APBA2: variants seen among roughly 807,000 people sequenced by gnomAD.
APBA2 encodes amyloid beta precursor protein binding family A member 2.
In APBA2, 30 loss-of-function variants were observed where a neutral mutation model predicts 75.0. That is an observed-to-expected ratio of 0.40 (90% CI 0.30 to 0.54). The LOEUF (loss-of-function observed/expected upper bound fraction) is 0.54, where lower values mean the gene tolerates loss of function less well. Among genes scored for constraint, APBA2 ranks in the 20% least tolerant of loss-of-function variants. The pLI, the probability that APBA2 is intolerant of heterozygous loss-of-function variation, is 0.49. For synonymous variants in APBA2, 444 were observed against 409.6 expected (o/e 1.08, Z -1.01); for missense variants, 801 against 1,016.1 (o/e 0.79, Z 2.88).
chr15:29,113,996 C>A lies in APBA2; in HGVS notation c.2158C>A (p.Leu720Met). 1 of 1,613,880 alleles carries A rather than the reference C, an allele frequency of 6.2e-7. No individual in the cohort carries two copies. The highest frequency in any genetic ancestry group is 8.5e-7 in the Non-Finnish European group (1 of 1,180,038). Residue 720 changes from leucine (L) to methionine (M), a missense_variant, in exon 14 of 15, where the codon CTG (leucine) becomes ATG (methionine). Leu to Met is a conservative substitution (Grantham distance 15, BLOSUM62 2). This residue lies in a region of APBA2 where 367 missense variants were observed against 544.5 expected (regional missense o/e 0.67). Transcript: ENST00000683413. ...ATAHEKIVQA[L>M]SNSVGEIHMK... is the part of the protein sequence containing the mutation. ...AGCCCACGAGAAGATAGTCCAAGCT[C>A]TGTCCAACTCGGTCGGAGAGGTAAG...
rs749262017 is a variant in APBA2, at chr15:29,117,073, G to A, written c.2190G>A (p.Lys730=). The A allele has an allele frequency of 6.8e-6, 11 of 1,613,070 alleles. No individual in the cohort carries two copies. The highest frequency in any genetic ancestry group is 9.3e-6 in the Non-Finnish European group (11 of 1,179,932). The change falls in exon 15 of 15, where the codon AAG becomes AAA. Residue 730 remains lysine (K), a synonymous_variant. Coordinates refer to ENST00000683413, the MANE Select transcript of APBA2 (RefSeq NM_001353788.2). Reference sequence around the variant, plus strand: ...GTTTCTGTCCGCAGATCCACATGAAGACCATGCCCGCCGCCATGTTCAGGC... The same window carrying A: ...GTTTCTGTCCGCAGATCCACATGAAAACCATGCCCGCCGCCATGTTCAGGC... ...LSNSVGEIHM[K]TMPAAMFRLL...
chr15:29,102,250 A>G (rs2044162182), intron 10 of APBA2: 1 of 237,782 alleles, frequency 4.2e-6, no homozygotes, highest in South Asian at 5.1e-5. Context: ...AGACTCAGGA[A>G]AAGATCACAA....
rs201490656 is a variant in APBA2 at position 29,108,259 on chromosome 15, G to A, written c.1918-11G>A. ...GGCCCAGCCTGTGACTCCTGTCCCC[G>A]TGCTCTGCAGGGCCTGAAGAACCAG... On this transcript the variant is annotated splice_polypyrimidine_tract_variant and intron_variant, in intron 12 of 14. Coordinates refer to ENST00000683413, the MANE Select transcript of APBA2 (RefSeq NM_001353788.2). 108 of 1,613,632 alleles carry A rather than the reference G, an allele frequency of 6.7e-5. No individual in the cohort carries two copies. Among genetic ancestry groups the A allele is most frequent in the African/African-American group, 2.1e-4 (16 of 75,044 alleles).
At position 29,054,393 on chromosome 15, in the gene APBA2, A is replaced by G. The variant is rs201436314; in HGVS notation, c.509A>G (p.Asp170Gly). ...GACGGCCAACTGCCCATTCCGGAGGATGAGCCCTCCGTCCTTGAGGCCCAT... is the reference window on the plus strand; with the variant it reads ...GACGGCCAACTGCCCATTCCGGAGGGTGAGCCCTCCGTCCTTGAGGCCCAT... Reference protein sequence around the residue: ...YPDGQLPIPEDEPSVLEAHDQ... With the variant: ...YPDGQLPIPEGEPSVLEAHDQ... Residue 170 changes from aspartate (D) to glycine (G), a missense_variant, in exon 4 of 15, where the codon GAT (aspartate) becomes GGT (glycine). Physicochemically the swap from Asp to Gly is moderately conservative, Grantham distance 94. Transcript: ENST00000683413. The surrounding 1 kb of genome is among the most constrained non-coding windows in gnomAD (Gnocchi z 6.1). 4 of 1,614,092 alleles carry G rather than the reference A, an allele frequency of 2.5e-6. No homozygotes were observed. Among genetic ancestry groups the G allele is most frequent in the East Asian group, 4.5e-5 (2 of 44,846 alleles).
chr15:28,926,014 G>A (rs1332393215), intron 2 of APBA2, among the ~76,000 whole-genome samples: 2 of 152,138 alleles, frequency 1.3e-5, no homozygotes, highest in African/African-American at 2.4e-5. Flanking sequence ...TTTGATTAGA[G>A]TTAGCATGGT....
intron 4 of APBA2, among the ~76,000 whole-genome samples, chr15:29,056,324 A>T (rs950324177): frequency 6.6e-6 from 1 of 152,114 alleles, no homozygotes; most frequent in Admixed American, 6.6e-5. Flanking sequence ...TTAAAAGGGC[A>T]GGTGGAGGTA....
At chr15:29,065,172 G>A (rs542856439) in intron 4 of APBA2, among the ~76,000 whole-genome samples, 19 of 152,278 alleles carry the variant, frequency 1.2e-4, no homozygotes, top group South Asian at 8.3e-4. Flanking sequence ...CGTACCTCCC[G>A]TTCTTGGGCC....
intron 2 of APBA2, among the ~76,000 whole-genome samples, chr15:28,929,469 C>G (rs1030868074): frequency 6.6e-6 from 1 of 152,164 alleles, no homozygotes; most frequent in Non-Finnish European, 1.5e-5. Context: ...CACTCAGATC[C>G]AAGGGTGTAG....
Position 29,076,312 on chromosome 15 carries a change from G to A in APBA2, c.1069+221G>A, listed in dbSNP as rs2279495. On this transcript the variant is annotated intron_variant, in intron 6 of 14. Coordinates refer to ENST00000683413, the MANE Select transcript of APBA2 (RefSeq NM_001353788.2). Reference sequence around the variant, plus strand: ...CGCTTTGATGCAAGGAACAGTAGACGATCTCCTTTAATTATACCCTCACTA... The same window carrying A: ...CGCTTTGATGCAAGGAACAGTAGACAATCTCCTTTAATTATACCCTCACTA... Among the ~76,000 whole-genome samples the A allele has an allele frequency of 5.3e-5, 8 of 152,194 alleles. No individual in the cohort carries two copies. In the East Asian group the frequency reaches 5.8e-4, roughly 11 times the overall value.
At chr15:29,096,047 G>A (rs1026268734) in intron 8 of APBA2, among the ~76,000 whole-genome samples, 7 of 152,258 alleles carry the variant, frequency 4.6e-5, no homozygotes, top group South Asian at 2.1e-4. Flanking sequence ...AGGCCTCTGC[G>A]GCCAGTCAGG....
At chr15:29,071,979 G>GC (rs2042642606) in intron 4 of APBA2, among the ~76,000 whole-genome samples, 1 of 152,048 alleles carries the variant, frequency 6.6e-6, no homozygotes, top group Admixed American at 6.5e-5. Flanking sequence ...CAAGCCTTGA[G>GC]CCCTGGCTTG....
chr15:29,038,312 C>T (rs1446326221), intron 3 of APBA2, among the ~76,000 whole-genome samples: 1 of 152,236 alleles, frequency 6.6e-6, no homozygotes, highest in African/African-American at 2.4e-5. Flanking sequence ...TCCAAGTGAC[C>T]TATCTTCCGA....
chr15:29,077,290 C>T (rs1258527538), intron 6 of APBA2, among the ~76,000 whole-genome samples: 1 of 152,158 alleles, frequency 6.6e-6, no homozygotes, highest in African/African-American at 2.4e-5. Context: ...GGAGCTGGCA[C>T]CTCGTGAGCA....
chr15:28,946,583 C>T (rs1182031498), intron 2 of APBA2, among the ~76,000 whole-genome samples: 1 of 152,030 alleles, frequency 6.6e-6, no homozygotes, highest in African/African-American at 2.4e-5. Flanking sequence ...TCTTTCTTTT[C>T]TTTTCTTTTT....
At chr15:29,067,382 G>C (rs537245475) in intron 4 of APBA2, among the ~76,000 whole-genome samples, 1 of 152,184 alleles carries the variant, frequency 6.6e-6, no homozygotes, top group Non-Finnish European at 1.5e-5. Flanking sequence ...TGGACCTGGC[G>C]TGTGTGGTCG....
chr15:29,104,939 T>C (rs551371154), intron 10 of APBA2, among the ~76,000 whole-genome samples: 7 of 152,258 alleles, frequency 4.6e-5, no homozygotes, highest in African/African-American at 1.7e-4. Context: ...CTTTTTTTAA[T>C]TAGCTGGATG....
chr15:29,020,615 G>C (rs2039903627), intron 3 of APBA2, among the ~76,000 whole-genome samples: 1 of 151,452 alleles, frequency 6.6e-6, no homozygotes, highest in Admixed American at 6.6e-5. Flanking sequence ...AGACCAGCCT[G>C]ACCAACATGG....
intron 3 of APBA2, among the ~76,000 whole-genome samples, chr15:29,048,781 A>G (rs1043523905): frequency 2.0e-5 from 3 of 151,726 alleles, no homozygotes; most frequent in African/African-American, 7.3e-5. Flanking sequence ...TAAAAAAAAA[A>G]TACAAAAATT....
At chr15:28,945,521 A>AT (rs79363150) in intron 2 of APBA2, among the ~76,000 whole-genome samples, 3,502 of 140,242 alleles carry the variant, frequency 0.025, 120 homozygotes, top group African/African-American at 0.084. Flanking sequence ...CCGCTCATTG[A>AT]TTTTTTTTTT....
Sources: gnomAD v4.1 joint callset for allele counts (sites outside exome capture counted in the v4.1 genomes callset) on GRCh38, gnomAD v4.1.1 for gene constraint, gnomAD v4.1.1 regional missense constraint, Gnocchi (gnomAD v3.1) non-coding constraint, MANE v1.5 for transcripts, NCBI Gene and HGNC (gene_info 2026-07-23, HGNC 2026-07-21) for gene names.